The following CDH12 variants were observed in gnomAD, a reference collection of about 807,000 sequenced individuals.
CDH12 encodes cadherin 12, also known as cadherin-12.
Under a neutral mutation model 74.1 loss-of-function variants are expected in CDH12, and 41 were observed. The ratio of observed to expected loss-of-function variants is 0.55; its 90% CI spans 0.43 to 0.72. The LOEUF (loss-of-function observed/expected upper bound fraction) is 0.72. Among genes scored for constraint, CDH12 ranks in the 30% least tolerant of loss-of-function variants. The pLI, the probability that CDH12 is intolerant of heterozygous loss-of-function variation, is 0.00. For missense variants in CDH12, 945 were observed against 977.2 expected (o/e 0.97, Z 0.44); for synonymous variants, 399 against 355.0 (o/e 1.12, Z -1.39).
intron 1 of CDH12, among the ~76,000 whole-genome samples, chr5:22,699,118 A>G (rs1742577820): frequency 6.6e-6 from 1 of 152,134 alleles, no homozygotes; most frequent in Non-Finnish European, 1.5e-5. Flanking sequence ...TCAAAACCTA[A>G]AAGTGTAACC....
chr5:22,359,561 G>A (rs143500309), intron 3 of CDH12, among the ~76,000 whole-genome samples: 248 of 151,958 alleles, frequency 1.6e-3, no homozygotes, highest in African/African-American at 4.7e-3. Context: ...AATTGAACTC[G>A]GCTCTGCACC....
At chr5:22,281,015 C>T (rs1174354560) in intron 3 of CDH12, among the ~76,000 whole-genome samples, 1 of 152,162 alleles carries the variant, frequency 6.6e-6, no homozygotes, top group Non-Finnish European at 1.5e-5. Context: ...CATCAAAAAG[C>T]TTATCCACTA....
chr5:22,256,038 C>G (rs1192276679), intron 3 of CDH12, among the ~76,000 whole-genome samples: 4 of 152,044 alleles, frequency 2.6e-5, no homozygotes, highest in Non-Finnish European at 5.9e-5. Flanking sequence ...CTTATATTAT[C>G]ACTATTGTAT....
chr5:22,441,758 G>A (rs1022912095), intron 2 of CDH12, among the ~76,000 whole-genome samples: 1 of 152,060 alleles, frequency 6.6e-6, no homozygotes, highest in Non-Finnish European at 1.5e-5. Flanking sequence ...AGGCTGGAGT[G>A]CAGTGGAACC....
chr5:22,139,765 C>G (rs1280754136), intron 4 of CDH12, among the ~76,000 whole-genome samples: 1 of 151,930 alleles, frequency 6.6e-6, no homozygotes, highest in Admixed American at 6.6e-5. Flanking sequence ...CCCTATCTTC[C>G]TCCTATCAGC....
Position 21,916,819 on chromosome 5 carries a change from C to T in CDH12, c.526+58272G>A, listed in dbSNP as rs1386323736. Among the ~76,000 whole-genome samples, 40 of 152,190 alleles carry T rather than the reference C, an allele frequency of 2.6e-4. 1 individual carries two copies. Among genetic ancestry groups the T allele is most frequent in the Admixed American group, 2.6e-3 (40 of 15,274 alleles). The stretch of plus-strand genomic sequence containing the variant: ...GGCTCCTAGGAGATACCCCACTAGG[C>T]ATTTTGTCTCATTCTCTGGGCCAGG... On this transcript the variant is annotated intron_variant, in intron 6 of 14. Transcript: ENST00000382254.
intron 9 of CDH12, among the ~76,000 whole-genome samples, chr5:21,802,808 T>A (rs904856432): frequency 2.0e-5 from 3 of 152,060 alleles, no homozygotes; most frequent in African/African-American, 7.2e-5. Context: ...GCCAGGCTGG[T>A]CTCGGATTCC....
At chr5:22,617,758 T>A (rs933460422) in intron 1 of CDH12, among the ~76,000 whole-genome samples, 2 of 152,142 alleles carry the variant, frequency 1.3e-5, no homozygotes, top group African/African-American at 2.4e-5. Context: ...AAGAGAATAA[T>A]GGAGAGAAGT....
At chr5:22,478,371 C>T (rs1409174088) in intron 2 of CDH12, among the ~76,000 whole-genome samples, 2 of 147,808 alleles carry the variant, frequency 1.4e-5, no homozygotes, top group East Asian at 2.0e-4. Flanking sequence ...TGAGCAGAGA[C>T]CGCGCCACTG....
intron 1 of CDH12, among the ~76,000 whole-genome samples, chr5:22,783,633 G>C (rs772198803): frequency 6.6e-6 from 1 of 152,096 alleles, no homozygotes; most frequent in Non-Finnish European, 1.5e-5. Context: ...ATATGATGCT[G>C]TTGGACTTGT....
intron 7 of CDH12, among the ~76,000 whole-genome samples, chr5:21,844,680 A>G (rs1164764037): frequency 1.3e-5 from 2 of 152,036 alleles, no homozygotes; most frequent in Non-Finnish European, 2.9e-5. Context: ...GATAATACCT[A>G]TTTTGTCTCT....
intron 4 of CDH12, among the ~76,000 whole-genome samples, chr5:22,164,667 G>A (rs1419076144): frequency 2.0e-5 from 3 of 151,990 alleles, no homozygotes; most frequent in Non-Finnish European, 4.4e-5. Context: ...TTTATATCCC[G>A]ATCCTTGTCC....
At chr5:21,888,148 G>A (rs1313679627) in intron 6 of CDH12, among the ~76,000 whole-genome samples, 1 of 152,078 alleles carries the variant, frequency 6.6e-6, no homozygotes, top group East Asian at 1.9e-4. Flanking sequence ...TGCAACCGGA[G>A]GTTAAGTTCT....
At position 22,767,618 on chromosome 5, in the gene CDH12, A is replaced by G. The variant is rs143587434; in HGVS notation, c.-523+85440T>C. Among the ~76,000 whole-genome samples the G allele has an allele frequency of 3.9e-3, 589 of 152,054 alleles. 2 individuals carry two copies. Among genetic ancestry groups the G allele is most frequent in the African/African-American group, 0.013 (544 of 41,516 alleles). ...TATGGTAGCTTTGGAATATTTATTTATGGATTTTTAATGTAGCTATGCTGC... is the reference window on the plus strand; with the variant it reads ...TATGGTAGCTTTGGAATATTTATTTGTGGATTTTTAATGTAGCTATGCTGC... On this transcript the variant is annotated intron_variant, in intron 1 of 14. Transcript: ENST00000382254.
At chr5:22,750,522 A>C (rs1444187155) in intron 1 of CDH12, among the ~76,000 whole-genome samples, 1 of 152,188 alleles carries the variant, frequency 6.6e-6, no homozygotes. Flanking sequence ...CTAAAGGATT[A>C]AAAATATTAC....
At chr5:22,519,573 G>A (rs1185137585) in intron 1 of CDH12, among the ~76,000 whole-genome samples, 4 of 151,820 alleles carry the variant, frequency 2.6e-5, no homozygotes, top group Admixed American at 6.6e-5. Context: ...ACAGGCGCCC[G>A]TCACCACACC....
At chr5:22,789,087 T>C (rs1434373625) in intron 1 of CDH12, among the ~76,000 whole-genome samples, 1 of 152,026 alleles carries the variant, frequency 6.6e-6, no homozygotes, top group Non-Finnish European at 1.5e-5. Context: ...TTTCTTGAAA[T>C]TGGCCTAAAA....
chr5:22,007,818 T>C (rs149556551), intron 5 of CDH12, among the ~76,000 whole-genome samples: 3,775 of 152,316 alleles, frequency 0.025, 58 homozygotes, highest in East Asian at 0.088. Flanking sequence ...TTTTGGCTGA[T>C]GATTTCAATG....
At chr5:21,938,723 CATATATATATAT>C (rs545475183) in intron 6 of CDH12, among the ~76,000 whole-genome samples, 6 of 112,048 alleles carry the variant, frequency 5.4e-5, no homozygotes, top group South Asian at 5.8e-4. Context: ...ATATAATATA[CATATATATATAT>C]ATATATATAT....
Sources: gnomAD v4.1 joint callset for allele counts (sites outside exome capture counted in the v4.1 genomes callset) on GRCh38, gnomAD v4.1.1 for gene constraint, MANE v1.5 for transcripts, NCBI Gene and HGNC (gene_info 2026-07-23, HGNC 2026-07-21) for gene names.